ZNF254: variants seen among roughly 807,000 people sequenced by gnomAD.
ZNF254 encodes zinc finger protein 254, also known as CTD-2017D11.1.
In ZNF254, 10 loss-of-function variants were observed where a neutral mutation model predicts 12.4. The ratio of observed to expected loss-of-function variants is 0.80; its 90% CI spans 0.50 to 1.36. The LOEUF (loss-of-function observed/expected upper bound fraction) is 1.36, where lower values mean the gene tolerates loss of function less well. Ranked by LOEUF, ZNF254 falls within the 40% of genes most tolerant of loss-of-function variation. The probability of loss-of-function intolerance (pLI) is 0.00; values close to 1 mark genes in which losing one functional copy is unlikely to be tolerated. For synonymous variants in ZNF254, 305 were observed against 253.4 expected (o/e 1.20, Z -1.93); for missense variants, 996 against 763.9 (o/e 1.30, Z -3.58).
intron 2 of ZNF254, among the ~76,000 whole-genome samples, chr19:24,070,988 A>G (rs1487841613): frequency 6.6e-6 from 1 of 152,128 alleles, no homozygotes; most frequent in African/African-American, 2.4e-5. Flanking sequence ...CAATTTTGCC[A>G]TATTTCTGAA....
intron 1 of ZNF254, among the ~76,000 whole-genome samples, chr19:24,034,070 G>A (rs1403467437): frequency 6.6e-6 from 1 of 152,088 alleles, no homozygotes; most frequent in African/African-American, 2.4e-5. Context: ...CGATTCTCGT[G>A]CCTCAGCCCT....
chr19:24,047,952 G>T (rs527870278), intron 2 of ZNF254, among the ~76,000 whole-genome samples: 24 of 147,688 alleles, frequency 1.6e-4, no homozygotes, highest in Admixed American at 1.6e-3. Flanking sequence ...CTCCCAAAGT[G>T]CTGGGATTAC....
intron 2 of ZNF254, among the ~76,000 whole-genome samples, chr19:24,058,589 G>T (rs530178278): frequency 6.6e-6 from 1 of 152,050 alleles, no homozygotes; most frequent in South Asian, 2.1e-4. Context: ...TGTATTTTTA[G>T]TAGAGACAGG....
intron 2 of ZNF254, among the ~76,000 whole-genome samples, chr19:24,074,340 G>A (rs1416469165): frequency 6.6e-6 from 1 of 152,176 alleles, no homozygotes; most frequent in Non-Finnish European, 1.5e-5. Flanking sequence ...TGTAGATTGT[G>A]ACATACTGCT....
chr19:24,079,188 T>C (rs188670481), intron 2 of ZNF254: 1 of 152,248 alleles, frequency 6.6e-6, no homozygotes, highest in East Asian at 1.9e-4. Context: ...ATGAGAGAAA[T>C]AGAAGAAAAA....
chr19:24,094,772 C>G (rs1162559558), intron 1 of ZNF254, among the ~76,000 whole-genome samples: 1 of 152,082 alleles, frequency 6.6e-6, no homozygotes, highest in Non-Finnish European at 1.5e-5. Flanking sequence ...CTGCAGCCTC[C>G]ACCTTCTGGG....
chr19:24,089,987 G>A (rs1972268843), intron 1 of ZNF254, among the ~76,000 whole-genome samples: 2 of 149,734 alleles, frequency 1.3e-5, no homozygotes, highest in South Asian at 2.1e-4. Flanking sequence ...TCAGGAGTTC[G>A]AGACCAGCTG....
chr19:24,034,788 T>C (rs1969904556), intron 1 of ZNF254, among the ~76,000 whole-genome samples: 1 of 106,624 alleles, frequency 9.4e-6, no homozygotes, highest in Admixed American at 9.0e-5. Flanking sequence ...GAAGTTACTT[T>C]TTTTTTTTTT....
intron 1 of ZNF254, among the ~76,000 whole-genome samples, chr19:24,090,167 C>T (rs1432899574): frequency 1.3e-5 from 2 of 152,104 alleles, no homozygotes; most frequent in African/African-American, 2.4e-5. Flanking sequence ...CACTGCACTC[C>T]AGCCTGGGCG....
At position 24,126,782 on chromosome 19, in the gene ZNF254, C is replaced by T. The variant is rs1351274786; in HGVS notation, c.782C>T (p.Ala261Val). Residue 261 changes from alanine (A) to valine (V), a missense_variant, in exon 4 of 4, where the codon GCT becomes GTT. Ala to Val is a moderately conservative substitution (Grantham distance 64, BLOSUM62 0). Coordinates refer to ENST00000357002, the MANE Select transcript of ZNF254 (RefSeq NM_203282.4). Reference sequence around the variant, plus strand: ...CTTACTACACATGAAATAATTCATGCTGGAGAGAAACTCTACAAATGTGAA... The same window carrying T: ...CTTACTACACATGAAATAATTCATGTTGGAGAGAAACTCTACAAATGTGAA... Reference protein sequence around the residue: ...STLTTHEIIHAGEKLYKCEEC... With the variant: ...STLTTHEIIHVGEKLYKCEEC... The T allele has an allele frequency of 1.2e-6, 2 of 1,612,880 alleles. No individual in the cohort carries two copies. Among genetic ancestry groups the T allele is most frequent in the Non-Finnish European group, 1.7e-6 (2 of 1,179,630 alleles).
In ZNF254 at chr19:24,126,801, A is replaced by G. The variant is rs567010066; in HGVS notation, c.801A>G (p.Lys267=). Residue 267 remains lysine (K), a synonymous_variant, in exon 4 of 4, where the codon AAA becomes AAG. Transcript: ENST00000357002. ...TTCATGCTGGAGAGAAACTCTACAA[A>G]TGTGAAGAATGTGGTGAAGCTTTTA... ...EIIHAGEKLY[K]CEECGEAFNR... The G allele has an allele frequency of 2.5e-5, 40 of 1,613,162 alleles. No individual in the cohort carries two copies. In the African/African-American group the frequency reaches 4.4e-4, roughly 18 times the overall value.
intron 1 of ZNF254, chr19:24,091,950 G>A: frequency 2.3e-6 from 1 of 436,238 alleles, no homozygotes; most frequent in Non-Finnish European, 3.0e-6. Flanking sequence ...CGCAATCTCA[G>A]CTCACTGCAA....
chr19:24,088,185 G>A (rs921198169), intron 1 of ZNF254, among the ~76,000 whole-genome samples: 2 of 152,206 alleles, frequency 1.3e-5, no homozygotes, highest in East Asian at 3.9e-4. Context: ...TAGGATTACA[G>A]GCGTGAGCCA....
At chr19:24,083,461 C>G (rs891496235), upstream of ZNF254, among the ~76,000 whole-genome samples, 1 of 151,696 alleles carries the variant, frequency 6.6e-6, no homozygotes, top group Admixed American at 6.6e-5. Context: ...CTAAAAAACT[C>G]TAAAATTCAT....
At chr19:24,105,058 A>G (rs1304826987) in intron 1 of ZNF254, 1 of 152,372 alleles carries the variant, frequency 6.6e-6, no homozygotes, top group Non-Finnish European at 1.5e-5. Flanking sequence ...TTTAGTGGGT[A>G]CAATATCTCA....
chr19:24,091,928 G>C (rs1972409627), intron 1 of ZNF254: 3 of 662,232 alleles, frequency 4.5e-6, no homozygotes, highest in South Asian at 1.4e-4. Flanking sequence ...TGGCCAAGCT[G>C]GAGTGCAGAG....
rs770948362 is a variant in ZNF254, at chr19:24,046,368, A to ATT, written c.-94+94_-94+95dup. The ATT allele has an allele frequency of 5.5e-4, 50 of 91,188 alleles. 1 individual carries two copies. Among genetic ancestry groups the ATT allele is most frequent in the Admixed American group, 8.5e-4 (8 of 9,458 alleles). 5.6% of individuals were successfully genotyped at this position (91,188 alleles called of 1,614,324 possible). A position where few individuals can be genotyped will look rare whatever the true frequency, so the allele number is the denominator to read the frequency against. On this transcript the variant is annotated intron_variant, in intron 2 of 4. Transcript: ENST00000613065. ...TTCTTTTGTCTTCCATTATTTTATT[A>ATT]TTTTTTATATATATATATATATATA...
chr19:24,080,070 A>G (rs1458847604), intron 2 of ZNF254: 1 of 152,208 alleles, frequency 6.6e-6, no homozygotes, highest in Non-Finnish European at 1.5e-5. Flanking sequence ...TATCCATAGA[A>G]AACTACTAAA....
At position 24,126,389 on chromosome 19, in the gene ZNF254, A is replaced by C; in HGVS notation, c.389A>C (p.Asp130Ala). Reference sequence around the variant, plus strand: ...TTAAGAAAAGGCTGTAAAAGTGTGGATGAGTATAAGGTGAACAAAGAAGGT... The same window carrying C: ...TTAAGAAAAGGCTGTAAAAGTGTGGCTGAGTATAAGGTGAACAAAGAAGGT... The part of the protein sequence containing the change: ...LQLRKGCKSV[D>A]EYKVNKEGYN... Residue 130 changes from aspartate to alanine, a missense_variant, in exon 4 of 4, where the codon GAT becomes GCT. Transcript: ENST00000357002. 6.2e-7 allele frequency: 1 copy of C among 1,610,644 alleles called. No individual in the cohort carries two copies. Among genetic ancestry groups the C allele is most frequent in the Non-Finnish European group, 8.5e-7 (1 of 1,178,742 alleles).
Sources: allele counts gnomAD v4.1 joint callset (sites outside exome capture counted in the v4.1 genomes callset), GRCh38; gene constraint gnomAD v4.1.1; transcripts MANE v1.5; gene names NCBI Gene and HGNC (gene_info 2026-07-23, HGNC 2026-07-21).